Variants in JARID2 observed in about 807,000 individuals in gnomAD.
The protein encoded by JARID2 is jumonji and AT-rich interaction domain containing 2.
A neutral mutation model predicts 125.6 loss-of-function variants in JARID2; 21 were observed. The observed-to-expected ratio is 0.17, with a 90% CI of 0.12 to 0.24. JARID2 has a LOEUF of 0.24. Among genes scored for constraint, JARID2 ranks in the 10% least tolerant of loss-of-function variants. The pLI is 1.00. For missense variants in JARID2, 1,303 were observed against 1,639.6 expected (o/e 0.79, Z 3.55); for synonymous variants, 736 against 661.6 (o/e 1.11, Z -1.73).
chr6:15,365,620 C>T (rs1283475420), intron 1 of JARID2, among the ~76,000 whole-genome samples: 1 of 145,532 alleles, frequency 6.9e-6, no homozygotes, highest in Non-Finnish European at 1.5e-5. Flanking sequence ...TCAGCTGCAG[C>T]TTTTTTTTTT....
At chr6:15,511,600 G>A (rs1216783389) in intron 13 of JARID2, among the ~76,000 whole-genome samples, 199 bp downstream of exon 13, 3 of 152,182 alleles carry the variant, frequency 2.0e-5, no homozygotes, top group Non-Finnish European at 4.4e-5. Context: ...GGTTTTGCAC[G>A]GCCTTTGCAT....
intron 1 of JARID2, among the ~76,000 whole-genome samples, chr6:15,276,142 C>T (rs776150199): frequency 1.3e-5 from 2 of 152,106 alleles, no homozygotes; most frequent in African/African-American, 2.4e-5. Context: ...ATGTTTCCTC[C>T]CTTCCCTATT....
chr6:15,465,472 A>C (rs1768675421), intron 4 of JARID2, among the ~76,000 whole-genome samples: 1 of 151,526 alleles, frequency 6.6e-6, no homozygotes, highest in Non-Finnish European at 1.5e-5. Context: ...TATCCTTTGT[A>C]GATATCAACA....
intron 1 of JARID2, among the ~76,000 whole-genome samples, chr6:15,328,060 TAGCTGTTC>T (rs1333173484): frequency 6.6e-6 from 1 of 152,148 alleles, no homozygotes; most frequent in African/African-American, 2.4e-5. Flanking sequence ...CCAGGACATG[TAGCTGTTC>T]AATAAATATT....
At chr6:15,307,687 T>C (rs1040614964) in intron 1 of JARID2, among the ~76,000 whole-genome samples, 28 of 152,160 alleles carry the variant, frequency 1.8e-4, no homozygotes, top group Non-Finnish European at 3.1e-4. Flanking sequence ...AACTTTGTAG[T>C]CTGTGGGGAG....
intron 3 of JARID2, among the ~76,000 whole-genome samples, chr6:15,412,637 A>G (rs1433467858): frequency 1.3e-5 from 2 of 152,210 alleles, no homozygotes; most frequent in African/African-American, 4.8e-5. Context: ...CAGGGTATGT[A>G]GCAAGCATAA....
intron 1 of JARID2, among the ~76,000 whole-genome samples, chr6:15,357,507 A>G (rs1053715962): frequency 6.6e-6 from 1 of 152,198 alleles, no homozygotes; most frequent in Non-Finnish European, 1.5e-5. Flanking sequence ...CTAGATGGAC[A>G]ACTGTCTTAC....
chr6:15,369,660 A>T (rs924790410), intron 1 of JARID2, among the ~76,000 whole-genome samples: 12 of 152,242 alleles, frequency 7.9e-5, no homozygotes, highest in African/African-American at 2.7e-4. Context: ...ACTTGAACAT[A>T]TGATTGAGAA....
Position 15,368,867 on chromosome 6 carries a change from C to T in JARID2, c.46-5250C>T, listed in dbSNP as rs574393253. Reference sequence around the variant, plus strand: ...CAGGATGGAGTCCTATTTTGCAGAGCAGAGCTTCTGAAACTTGACCGTGTA... The same window carrying T: ...CAGGATGGAGTCCTATTTTGCAGAGTAGAGCTTCTGAAACTTGACCGTGTA... On this transcript the variant is annotated intron_variant, in intron 1 of 17. Coordinates refer to ENST00000341776, the MANE Select transcript of JARID2 (RefSeq NM_004973.4). The T allele has an allele frequency of 3.7e-4, 134 of 363,528 alleles. 3 individuals carry two copies. The highest frequency in any genetic ancestry group is 2.0e-3 in the South Asian group (98 of 48,990). The allele number at this position is 363,528 out of a possible 1,614,324, so 22.5% of individuals were successfully genotyped here.
intron 1 of JARID2, among the ~76,000 whole-genome samples, chr6:15,255,138 C>CTTTTTT (rs753848936): frequency 3.3e-5 from 4 of 121,190 alleles, no homozygotes; most frequent in African/African-American, 6.0e-5. Context: ...ACTAGGAATT[C>CTTTTTT]TTTTTTTTTT....
chr6:15,360,432 C>T (rs1763751979), intron 1 of JARID2, among the ~76,000 whole-genome samples: 1 of 152,116 alleles, frequency 6.6e-6, no homozygotes, highest in Non-Finnish European at 1.5e-5. Flanking sequence ...ATCTGCCCGC[C>T]TCGGCCTCCG....
At chr6:15,374,014 A>C in intron 1 of JARID2, 103 bp from the exon 2 acceptor site, 4 of 1,333,306 alleles carry the variant, frequency 3.0e-6, no homozygotes, top group Non-Finnish European at 4.2e-6. Context: ...TCGTGGTCAC[A>C]CAGTACGTGT....
intron 8 of JARID2, among the ~76,000 whole-genome samples, chr6:15,501,717 G>GAGGGGAAGT (rs1770745349): frequency 6.6e-6 from 1 of 152,178 alleles, no homozygotes; most frequent in Admixed American, 6.5e-5. Flanking sequence ...CCCAGTGAGG[G>GAGGGGAAGT]AGGGGAAGTC....
intron 1 of JARID2, among the ~76,000 whole-genome samples, chr6:15,286,240 A>G (rs1284032548): frequency 1.3e-5 from 2 of 151,268 alleles, no homozygotes; most frequent in Non-Finnish European, 2.9e-5. Flanking sequence ...ATCTAATTTT[A>G]TAATTGGAAG....
intron 17 of JARID2, among the ~76,000 whole-genome samples, chr6:15,519,665 A>C (rs1473327303): frequency 6.6e-6 from 1 of 152,228 alleles, no homozygotes; most frequent in Non-Finnish European, 1.5e-5. Flanking sequence ...ATTTACTTGC[A>C]TGGCCAGGTT....
intron 1 of JARID2, among the ~76,000 whole-genome samples, chr6:15,249,864 A>G (rs559746094): frequency 1.2e-4 from 18 of 152,334 alleles, no homozygotes; most frequent in Non-Finnish European, 2.5e-4. Flanking sequence ...TCCCACTGCA[A>G]TACCTTAAAT....
chr6:15,406,392 C>G (rs966629420), intron 2 of JARID2, among the ~76,000 whole-genome samples: 2 of 152,210 alleles, frequency 1.3e-5, no homozygotes, highest in Non-Finnish European at 2.9e-5. Flanking sequence ...CAAGATTGTG[C>G]CACTGCGCTC....
At chr6:15,264,441 C>G (rs1042673677) in intron 1 of JARID2, among the ~76,000 whole-genome samples, 1 of 152,134 alleles carries the variant, frequency 6.6e-6, no homozygotes, top group Non-Finnish European at 1.5e-5. Flanking sequence ...TTCTCACACT[C>G]CAGTTTTTCT....
At position 15,413,242 on chromosome 6, in the gene JARID2, A is replaced by G. The variant is rs190587337; in HGVS notation, c.323+2877A>G. On this transcript the variant is annotated intron_variant, in intron 3 of 17. Coordinates refer to ENST00000341776, the MANE Select transcript of JARID2 (RefSeq NM_004973.4). ...CCATGTTGGTCAGGCTGGTCTCCCT[A>G]CTTCAGGTGACCCGCCCACCTCGGC... Among the ~76,000 whole-genome samples the G allele has an allele frequency of 3.7e-3, 563 of 151,838 alleles. 13 individuals carry two copies. Among genetic ancestry groups the G allele is most frequent in the Non-Finnish European group, 3.0e-3 (204 of 67,920 alleles).
Sources: gnomAD v4.1 joint callset for allele counts (sites outside exome capture counted in the v4.1 genomes callset) on GRCh38, gnomAD v4.1.1 for gene constraint, MANE v1.5 for transcripts, NCBI Gene and HGNC (gene_info 2026-07-23, HGNC 2026-07-21) for gene names.